The following SYNE1 variants were observed in gnomAD, a reference collection of about 807,000 sequenced individuals.
The protein encoded by SYNE1 is nesprin-1.
In SYNE1, 616 loss-of-function variants were observed where a neutral mutation model predicts 1,111.0. The ratio of observed to expected loss-of-function variants is 0.55; its 90% CI spans 0.52 to 0.59. The LOEUF is 0.59. Ranked by LOEUF, SYNE1 falls within the 20% of genes least tolerant of loss-of-function variation. The pLI is 0.00. For synonymous variants in SYNE1, 3,855 were observed against 3,825.8 expected (o/e 1.01, Z -0.28); for missense variants, 10,006 against 10,417.0 (o/e 0.96, Z 1.72).
Position 152,520,468 on chromosome 6 carries a change from T to C in SYNE1, c.300A>G (p.Glu100=). The part of the protein sequence containing the change: ...ANIGTALKFL[E]GRKIKLVNIN... ...TTTGTTTCTCTCTTACCTTTCTTCC[T>C]TCGAGGAACTTGAGTGCCGTGCCAA... is the stretch of plus-strand genomic sequence containing the variant. Residue 100 remains glutamate (E), a synonymous_variant, in exon 6 of 146, where the codon GAA becomes GAG. Transcript: ENST00000367255. 1 of 1,613,624 alleles carries C rather than the reference T, an allele frequency of 6.2e-7. No individual in the cohort carries two copies. Among genetic ancestry groups the C allele is most frequent in the Non-Finnish European group, 8.5e-7 (1 of 1,179,660 alleles).
intron 3 of SYNE1, among the ~76,000 whole-genome samples, chr6:152,620,273 C>T (rs780445120): frequency 2.7e-4 from 34 of 127,472 alleles, no homozygotes; most frequent in African/African-American, 9.7e-4. Context: ...TCATTCCCCA[C>T]TTCCCTCAGT....
intron 3 of SYNE1, among the ~76,000 whole-genome samples, chr6:152,595,252 C>G (rs750570459): frequency 6.6e-6 from 1 of 152,234 alleles, no homozygotes; most frequent in Non-Finnish European, 1.5e-5. Context: ...CCCTTGAACT[C>G]TCTTCTGAGC....
At chr6:152,520,620 G>A in intron 5 of SYNE1, 78 bp from the exon 6 acceptor site, 3 of 1,468,082 alleles carry the variant, frequency 2.0e-6, no homozygotes, top group Non-Finnish European at 2.8e-6. Context: ...TATTTAAATG[G>A]ATTAAAAATA....
chr6:152,363,330 T>C (rs1486892558), intron 63 of SYNE1, among the ~76,000 whole-genome samples: 11 of 148,434 alleles, frequency 7.4e-5, no homozygotes, highest in South Asian at 2.1e-4. Flanking sequence ...CCGTCTCTAC[T>C]AAAAATACAA....
Position 152,427,726 on chromosome 6 carries a change from T to C in SYNE1, c.5067A>G (p.Arg1689=), listed in dbSNP as rs748553425. ...SSPEMDISAD[R]VKVEGELQLI... is the part of the protein sequence containing the mutation. ...ACTGAAGTTCACCTTCCACTTTGAC[T>C]CTGTCTGCAGAAATGTCCATTTCTG... The change falls in exon 38 of 146, where the codon AGA becomes AGG. Residue 1689 remains arginine, a synonymous_variant. Transcript: ENST00000367255. 4.3e-6 allele frequency: 7 copies of C among 1,614,052 alleles called. No homozygotes were observed. The African/African-American group carries it at 6.7e-5, about 15-fold the overall frequency.
At chr6:152,188,407 A>G (rs2070880466) in intron 128 of SYNE1, among the ~76,000 whole-genome samples, 1 of 152,122 alleles carries the variant, frequency 6.6e-6, no homozygotes, top group Admixed American at 6.5e-5. Context: ...CTCAAAGTCA[A>G]TCTGGGATAT....
At chr6:152,234,022 A>C in intron 111 of SYNE1, 59 bp from the exon 112 acceptor site, 1 of 1,566,728 alleles carries the variant, frequency 6.4e-7, no homozygotes, top group Non-Finnish European at 8.7e-7. Flanking sequence ...CATTAAAAGG[A>C]AAGCGACCAA....
chr6:152,609,070 T>C (rs1009586056), intron 3 of SYNE1, among the ~76,000 whole-genome samples: 1 of 151,994 alleles, frequency 6.6e-6, no homozygotes, highest in Non-Finnish European at 1.5e-5. Flanking sequence ...GACGGGTGAT[T>C]TCTGCATTTC....
At chr6:152,309,499 C>G (rs2095484699) in intron 90 of SYNE1, among the ~76,000 whole-genome samples, 2 of 152,116 alleles carry the variant, frequency 1.3e-5, no homozygotes, top group African/African-American at 2.4e-5. Context: ...CACAAGATAA[C>G]AGTAAACCTG....
At chr6:152,269,309 C>T in intron 98 of SYNE1, 23 bp from the exon 99 acceptor site, 6 of 1,613,826 alleles carry the variant, frequency 3.7e-6, no homozygotes, top group Non-Finnish European at 4.2e-6. Flanking sequence ...AGGCAGAAAT[C>T]AAGTCATGCT....
chr6:152,463,638 T>C (rs1043702003), intron 18 of SYNE1, 121 bp from the exon 19 acceptor site: 3 of 883,334 alleles, frequency 3.4e-6, no homozygotes, highest in South Asian at 1.5e-5. Flanking sequence ...TTAAGATAAA[T>C]CACAAATCTC....
rs1215416255 is a variant in SYNE1, at chr6:152,534,161, AAAAT to A, written c.129+5795_129+5798del. ...CAACAGAGCAAGACTCTGTCTCAAA[AAAAT>A]AAATAAATGAATGAATGAATGAATG... On this transcript the variant is annotated intron_variant, in intron 4 of 145. Coordinates refer to ENST00000367255, the MANE Select transcript of SYNE1 (RefSeq NM_182961.4). Among the ~76,000 whole-genome samples the A allele has an allele frequency of 6.7e-3, 1,001 of 149,694 alleles. 15 individuals carry two copies. The highest frequency in any genetic ancestry group is 0.022 in the African/African-American group (900 of 40,272).
chr6:152,313,441 A>G (rs2095612412), intron 87 of SYNE1, among the ~76,000 whole-genome samples: 1 of 151,878 alleles, frequency 6.6e-6, no homozygotes, highest in Admixed American at 6.6e-5. Flanking sequence ...TGACATTAGA[A>G]AAAACACAAT....
At chr6:152,220,237 A>G (rs2079828964) in intron 119 of SYNE1, among the ~76,000 whole-genome samples, 1 of 152,246 alleles carries the variant, frequency 6.6e-6, no homozygotes, top group South Asian at 2.1e-4. Flanking sequence ...GATCCTCGTA[A>G]CAAGCTCTTA....
At chr6:152,174,542 A>C (rs2635465) in intron 130 of SYNE1, among the ~76,000 whole-genome samples, 21,437 of 152,140 alleles carry the variant, frequency 0.14, 2,298 homozygotes, top group East Asian at 0.3. Flanking sequence ...CATTGTAAGT[A>C]CTTTACAAAG....
chr6:152,250,962 T>C (rs955594888), intron 104 of SYNE1, among the ~76,000 whole-genome samples: 1 of 152,172 alleles, frequency 6.6e-6, no homozygotes, highest in African/African-American at 2.4e-5. Flanking sequence ...TGTTTTGTTT[T>C]GTTTTGAGAC....
At chr6:152,230,391 A>C (rs1182622868) in intron 115 of SYNE1, among the ~76,000 whole-genome samples, 156 bp downstream of exon 115, 19 of 152,194 alleles carry the variant, frequency 1.2e-4, no homozygotes, top group Admixed American at 1.2e-3. Flanking sequence ...TTTAAAAAAA[A>C]CCCTATAAAC....
At position 152,122,526 on chromosome 6, in the gene SYNE1, T is replaced by C; in HGVS notation, c.26304A>G (p.Ser8768=). ...LIGLACLVPM[S]EEDYSCALSN... ...AGAGGGCACAGCTGTAGTCTTCCTC[T>C]GACATTGGTACAAGGCAGGCAAGCC... Residue 8768 remains serine, a synonymous_variant, in exon 146 of 146, where the codon TCA becomes TCG. Transcript: ENST00000367255. 6.2e-7 allele frequency: 1 copy of C among 1,614,166 alleles called. No individual in the cohort carries two copies. The highest frequency in any genetic ancestry group is 8.5e-7 in the Non-Finnish European group (1 of 1,180,034).
At chr6:152,474,426 C>T (rs1243863926) in intron 14 of SYNE1, among the ~76,000 whole-genome samples, 1 of 152,184 alleles carries the variant, frequency 6.6e-6, no homozygotes. Context: ...GGGCAAATAT[C>T]TACACCACTG....
Sources: gnomAD v4.1 joint callset for allele counts (sites outside exome capture counted in the v4.1 genomes callset) on GRCh38, gnomAD v4.1.1 for gene constraint, MANE v1.5 for transcripts, NCBI Gene and HGNC (gene_info 2026-07-23, HGNC 2026-07-21) for gene names.